EFCAB6: variants seen among roughly 807,000 people sequenced by gnomAD.
EFCAB6 encodes EF-hand calcium-binding domain-containing protein 6.
A neutral mutation model predicts 169.8 loss-of-function variants in EFCAB6; 156 were observed. The ratio of observed to expected loss-of-function variants is 0.92; its 90% CI spans 0.81 to 1.05. The LOEUF (loss-of-function observed/expected upper bound fraction) is 1.05, where lower values mean the gene tolerates loss of function less well. EFCAB6 is among the 50% of genes least tolerant of loss of function. The probability of loss-of-function intolerance (pLI) is 0.00; values close to 1 mark genes in which losing one functional copy is unlikely to be tolerated. For synonymous variants in EFCAB6, 698 were observed against 676.4 expected, an observed-to-expected ratio of 1.03 and a Z score of -0.50; for missense variants, 1,800 against 1,829.1, an observed-to-expected ratio of 0.98 and a Z score of 0.29.
intron 27 of EFCAB6, among the ~76,000 whole-genome samples, chr22:43,550,900 G>A (rs1338513360): frequency 1.3e-5 from 2 of 152,064 alleles, no homozygotes; most frequent in Non-Finnish European, 2.9e-5. Flanking sequence ...TCCAACTCAT[G>A]CACTCTGCAA....
intron 18 of EFCAB6, 53 bp from the exon 19 acceptor site, chr22:43,632,291 CTTCTTTTTTT>C (rs2055018838): frequency 3.0e-6 from 4 of 1,316,696 alleles, no homozygotes; most frequent in Admixed American, 2.5e-5. Context: ...AGCTTCATTC[CTTCTTTTTTT>C]TTTTTTTTTT....
Position 43,735,887 on chromosome 22 carries a change from C to A in EFCAB6, c.614G>T (p.Cys205Phe). The change falls in exon 7 of 32, where the codon TGT (cysteine) becomes TTT (phenylalanine). Residue 205 changes from cysteine (C) to phenylalanine (F), a missense_variant. Physicochemically the swap from Cys to Phe is radical, Grantham distance 205 (BLOSUM62 -2). Transcript: ENST00000262726. ...GTATTCCTCGTCTCTTAACTTCATA[C>A]AGAAGGTCTCCAGAACCCTTCTTAG... ...QELRRVLETFCMKLRDEEYEK... is the reference protein window; with the variant it reads ...QELRRVLETFFMKLRDEEYEK... 1 of 1,614,122 alleles carries A rather than the reference C, an allele frequency of 6.2e-7. No individual in the cohort carries two copies. Among genetic ancestry groups the A allele is most frequent in the South Asian group, 1.1e-5 (1 of 91,056 alleles).
chr22:43,687,463 TTACATACCTATTTC>T lies in EFCAB6; in HGVS notation c.1136_1142+7del. The T allele has an allele frequency of 1.4e-6, 2 of 1,443,370 alleles. No homozygotes were observed. The highest frequency in any genetic ancestry group is 1.3e-5 in the South Asian group (1 of 74,558). The allele number at this position is 1,443,370 out of a possible 1,614,324, so 89.4% of individuals were successfully genotyped here. On this transcript the variant is annotated splice_donor_variant and splice_donor_5th_base_variant and coding_sequence_variant and intron_variant, in exon 11 of 32. Transcript: ENST00000262726. LOFTEE classifies it high-confidence loss of function. Reference sequence around the variant, plus strand: ...CTAAAATTTGTTTTTTTTTTTTTTTTTACATACCTATTTCTTTTTGTCAGGGGACCTTTACTGCT... The same window carrying T: ...CTAAAATTTGTTTTTTTTTTTTTTTTTTTTTGTCAGGGGACCTTTACTGCT...
At chr22:43,540,814 G>A (rs1359848492) in intron 27 of EFCAB6, among the ~76,000 whole-genome samples, 1 of 152,138 alleles carries the variant, frequency 6.6e-6, no homozygotes, top group East Asian at 1.9e-4. Flanking sequence ...CTCAGCCCCT[G>A]CACTTGCATC....
chr22:43,702,477 G>A (rs756053579), intron 10 of EFCAB6, among the ~76,000 whole-genome samples: 1 of 152,158 alleles, frequency 6.6e-6, no homozygotes, highest in African/African-American at 2.4e-5. Context: ...CATTTTAACC[G>A]CATTCCCCTA....
chr22:43,757,066 G>A (rs2060981872), intron 5 of EFCAB6, among the ~76,000 whole-genome samples: 2 of 152,168 alleles, frequency 1.3e-5, no homozygotes, highest in Admixed American at 1.3e-4. Flanking sequence ...GGAAGACACT[G>A]GAGTGCTTAG....
At chr22:43,675,600 ATC>A (rs2057720885) in intron 13 of EFCAB6, among the ~76,000 whole-genome samples, 1 of 144,144 alleles carries the variant, frequency 6.9e-6, no homozygotes, top group African/African-American at 2.6e-5. Flanking sequence ...TATACTATAT[ATC>A]TGATATATAA....
chr22:43,697,292 A>C (rs1490793714), intron 10 of EFCAB6, among the ~76,000 whole-genome samples: 17 of 152,222 alleles, frequency 1.1e-4, no homozygotes, highest in African/African-American at 3.6e-4. Flanking sequence ...AGCCATTAAA[A>C]ATTAATTTCA....
chr22:43,753,997 C>A (rs2060865051), intron 6 of EFCAB6, among the ~76,000 whole-genome samples: 1 of 152,298 alleles, frequency 6.6e-6, no homozygotes, highest in South Asian at 2.1e-4. Context: ...CAGTCTCCAA[C>A]ATTAGTGTGT....
rs147604873 is a variant in EFCAB6 at position 43,700,865 on chromosome 22, C to T, written c.1031+10610G>A. On this transcript the variant is annotated intron_variant, in intron 10 of 31. Transcript: ENST00000262726. ...TTACCAGTTTGTTTATTAATTCATCCGCTGAGTTACATTTGAGTTTTTTCC... is the reference window on the plus strand; with the variant it reads ...TTACCAGTTTGTTTATTAATTCATCTGCTGAGTTACATTTGAGTTTTTTCC... Among the ~76,000 whole-genome samples the T allele has an allele frequency of 1.7e-3, 254 of 152,132 alleles. 1 individual carries two copies. Among genetic ancestry groups the T allele is most frequent in the African/African-American group, 5.4e-3 (226 of 41,492 alleles).
Position 43,678,174 on chromosome 22 carries a change from G to C in EFCAB6, c.1252-11C>G. 6 of 1,486,760 alleles carry C rather than the reference G, an allele frequency of 4.0e-6. No individual in the cohort carries two copies. The highest frequency in any genetic ancestry group is 5.5e-6 in the Non-Finnish European group (6 of 1,091,344). The allele number at this position is 1,486,760 out of a possible 1,614,324, so 92.1% of individuals were successfully genotyped here. A position where few individuals can be genotyped will look rare whatever the true frequency, so the allele number is the denominator to read the frequency against. On this transcript the variant is annotated splice_polypyrimidine_tract_variant and intron_variant, in intron 12 of 31. Coordinates refer to ENST00000262726, the MANE Select transcript of EFCAB6 (RefSeq NM_022785.4). ...CGGTCCATCGGGTTTCTGAGCATCAGAGTGTATATAAGGGAATTTTTGAAA... is the reference window on the plus strand; with the variant it reads ...CGGTCCATCGGGTTTCTGAGCATCACAGTGTATATAAGGGAATTTTTGAAA...
At chr22:43,699,809 A>G (rs1187510398) in intron 10 of EFCAB6, among the ~76,000 whole-genome samples, 1 of 152,236 alleles carries the variant, frequency 6.6e-6, no homozygotes, top group Non-Finnish European at 1.5e-5. Context: ...TACACTTCAT[A>G]TAATTTAGAC....
chr22:43,541,112 C>G (rs1204844511), intron 27 of EFCAB6, among the ~76,000 whole-genome samples: 1 of 152,222 alleles, frequency 6.6e-6, no homozygotes, highest in African/African-American at 2.4e-5. Context: ...GCCTCCAACA[C>G]AGCTGATGGA....
At chr22:43,668,541 C>T (rs2057358081) in intron 16 of EFCAB6, among the ~76,000 whole-genome samples, 1 of 152,098 alleles carries the variant, frequency 6.6e-6, no homozygotes, top group Non-Finnish European at 1.5e-5. Flanking sequence ...AATGTGAATG[C>T]AGGTATGTAA....
At chr22:43,671,253 G>A (rs1265247147) in intron 15 of EFCAB6, among the ~76,000 whole-genome samples, 3 of 152,150 alleles carry the variant, frequency 2.0e-5, no homozygotes, top group Non-Finnish European at 4.4e-5. Flanking sequence ...CCAGGCTGGA[G>A]TGCGATGGGG....
chr22:43,539,555 C>T lies in EFCAB6; in HGVS notation c.3879+572G>A, dbSNP rs569584813. The stretch of plus-strand genomic sequence containing the variant: ...ACCCTGTCCTGATGACATTGCCATC[C>T]CTTTCTGCAGACAAAAAAAGAGGCT... On this transcript the variant is annotated intron_variant, in intron 28 of 31. Transcript: ENST00000262726. Among the ~76,000 whole-genome samples, 53 of 152,294 alleles carry T rather than the reference C, an allele frequency of 3.5e-4. 1 individual carries two copies. The South Asian group carries it at 0.011, about 32-fold the overall frequency.
intron 2 of EFCAB6, among the ~76,000 whole-genome samples, chr22:43,790,786 A>G (rs1432030382): frequency 6.6e-6 from 1 of 152,222 alleles, no homozygotes; most frequent in African/African-American, 2.4e-5. Flanking sequence ...AGTCTTCTGC[A>G]ATAATCCGTG....
chr22:43,756,709 G>A (rs192483582), intron 5 of EFCAB6, among the ~76,000 whole-genome samples: 1 of 152,320 alleles, frequency 6.6e-6, no homozygotes. Context: ...AAGGTGCCAT[G>A]AAGAACATAA....
chr22:43,632,865 G>A (rs867596599), intron 18 of EFCAB6, among the ~76,000 whole-genome samples: 7 of 152,270 alleles, frequency 4.6e-5, no homozygotes, highest in Middle Eastern at 3.4e-3. Context: ...TCCCAGAGGA[G>A]GAGAATGAGA....
Sources: gnomAD v4.1 joint callset for allele counts (sites outside exome capture counted in the v4.1 genomes callset) on GRCh38, gnomAD v4.1.1 for gene constraint, MANE v1.5 for transcripts, NCBI Gene and HGNC (gene_info 2026-07-23, HGNC 2026-07-21) for gene names.